Variants in CHST9 observed in about 807,000 individuals in gnomAD.
CHST9 encodes GalNAc-4-sulfotransferase 2.
Under a neutral mutation model 44.4 loss-of-function variants are expected in CHST9, and 41 were observed. The observed-to-expected ratio is 0.92, with a 90% CI of 0.72 to 1.20. The LOEUF (loss-of-function observed/expected upper bound fraction) is 1.20, where lower values mean the gene tolerates loss of function less well. Among genes scored for constraint, CHST9 ranks in the 50% most tolerant of loss-of-function variants. The probability of loss-of-function intolerance (pLI) is 0.00; values close to 1 mark genes in which losing one functional copy is unlikely to be tolerated. For missense variants in CHST9, 504 were observed against 516.5 expected, an observed-to-expected ratio of 0.98 and a Z score of 0.23; for synonymous variants, 171 against 178.4, an observed-to-expected ratio of 0.96 and a Z score of 0.33.
At chr18:27,012,703 T>C (rs958579265) in intron 4 of CHST9, among the ~76,000 whole-genome samples, 2 of 152,148 alleles carry the variant, frequency 1.3e-5, no homozygotes, top group South Asian at 2.1e-4. Context: ...GAACAAGTTT[T>C]CCCAAATCAC....
chr18:27,115,155 C>T (rs1862760840), intron 2 of CHST9, among the ~76,000 whole-genome samples: 1 of 152,154 alleles, frequency 6.6e-6, no homozygotes, highest in Non-Finnish European at 1.5e-5. Context: ...TAATGTGGAA[C>T]TGTGAGTCAA....
At chr18:27,014,142 C>T (rs545657952) in intron 4 of CHST9, among the ~76,000 whole-genome samples, 21 of 152,148 alleles carry the variant, frequency 1.4e-4, no homozygotes, top group Non-Finnish European at 2.6e-4. Flanking sequence ...TGTACCAGTT[C>T]ATCTTGGCAT....
intron 2 of CHST9, among the ~76,000 whole-genome samples, chr18:27,100,019 TGA>T (rs1491231384): frequency 1.6e-5 from 1 of 62,434 alleles, no homozygotes; most frequent in Non-Finnish European, 3.1e-5. Context: ...ATATATATAA[TGA>T]TATATATATA....
In CHST9 at chr18:26,916,907, T is replaced by C. The variant is rs2145045416; in HGVS notation, c.684A>G (p.Lys228=). 1 of 1,613,894 alleles carries C rather than the reference T, an allele frequency of 6.2e-7. No homozygotes were observed. The highest frequency in any genetic ancestry group is 8.5e-7 in the Non-Finnish European group (1 of 1,179,856). Residue 228 remains lysine (K), a synonymous_variant, in exon 6 of 6, where the codon AAA becomes AAG. Coordinates refer to ENST00000618847, the MANE Select transcript of CHST9 (RefSeq NM_031422.6). ...ATCCATTTAGTACCATCAGAATTCT[T>C]TTCCAATTGGAACAGCCAGCCTTAG... The part of the protein sequence containing the change: ...EVPKAGCSNW[K]RILMVLNGLA...
chr18:26,961,550 C>T (rs745393641), intron 4 of CHST9, among the ~76,000 whole-genome samples: 29 of 152,074 alleles, frequency 1.9e-4, no homozygotes, highest in Non-Finnish European at 3.5e-4. Context: ...CCAATTCAGC[C>T]TCCAAGTAGC....
intron 2 of CHST9, among the ~76,000 whole-genome samples, chr18:27,049,212 A>G (rs1159966023): frequency 6.6e-6 from 1 of 152,074 alleles, no homozygotes; most frequent in Non-Finnish European, 1.5e-5. Context: ...GGAGGGAAGT[A>G]GTGGATGCAA....
intron 4 of CHST9, among the ~76,000 whole-genome samples, chr18:26,995,808 T>C (rs1018146424): frequency 2.0e-5 from 3 of 152,230 alleles, no homozygotes; most frequent in Admixed American, 6.5e-5. Flanking sequence ...GCTTTGTCTA[T>C]TATTAAAGCA....
rs544101552 is a variant in CHST9, at chr18:26,964,359, T to C, written c.203-19993A>G. On this transcript the variant is annotated intron_variant, in intron 4 of 5. Transcript: ENST00000618847. ...AACCGCCCACCTGTTTTATTATTTC[T>C]CTCCAGAAACAAATATTTTTCTGGA... is the stretch of plus-strand genomic sequence containing the variant. Among the ~76,000 whole-genome samples the C allele has an allele frequency of 1.1e-4, 17 of 152,346 alleles. No individual in the cohort carries two copies. In the South Asian group the frequency reaches 3.5e-3, roughly 32 times the overall value.
At chr18:26,919,733 T>C (rs912568303) in intron 5 of CHST9, among the ~76,000 whole-genome samples, 2 of 152,136 alleles carry the variant, frequency 1.3e-5, no homozygotes, top group Non-Finnish European at 2.9e-5. Flanking sequence ...CTGTGGCCTC[T>C]GGACTTTCTG....
intron 2 of CHST9, among the ~76,000 whole-genome samples, chr18:27,128,811 G>A (rs1048316048): frequency 1.6e-4 from 24 of 152,176 alleles, no homozygotes; most frequent in African/African-American, 5.8e-4. Context: ...GAAGTATCTA[G>A]AATTGCAATG....
chr18:27,143,793 G>A (rs2058588636), intron 1 of CHST9, among the ~76,000 whole-genome samples: 1 of 151,900 alleles, frequency 6.6e-6, no homozygotes, highest in Non-Finnish European at 1.5e-5. Context: ...GGCCTCTTGG[G>A]GGATGGGGGG....
intron 1 of CHST9, among the ~76,000 whole-genome samples, chr18:27,147,403 T>G (rs981649235): frequency 1.3e-5 from 2 of 152,064 alleles, no homozygotes; most frequent in African/African-American, 4.8e-5. Flanking sequence ...GGTGGGGTTT[T>G]GGGGAATGTC....
At chr18:26,983,508 A>G (rs2056718232) in intron 4 of CHST9, among the ~76,000 whole-genome samples, 1 of 152,104 alleles carries the variant, frequency 6.6e-6, no homozygotes, top group African/African-American at 2.4e-5. Context: ...TTTGCCATGA[A>G]AAACAGCTCA....
At chr18:27,147,637 C>T (rs1478662415) in intron 1 of CHST9, 1 of 152,294 alleles carries the variant, frequency 6.6e-6, no homozygotes, top group Non-Finnish European at 1.5e-5. Flanking sequence ...TCCACACCCA[C>T]ACATCTTTGC....
intron 3 of CHST9, among the ~76,000 whole-genome samples, chr18:27,041,665 G>C (rs2057446278): frequency 2.6e-5 from 4 of 152,044 alleles, no homozygotes; most frequent in Admixed American, 2.6e-4. Context: ...TCCTTCATTA[G>C]CTACTTAGCA....
chr18:27,075,691 A>G (rs2057896282), intron 2 of CHST9, among the ~76,000 whole-genome samples: 1 of 116,194 alleles, frequency 8.6e-6, no homozygotes, highest in Non-Finnish European at 1.8e-5. Context: ...TTCCACACAC[A>G]TACTCCCAGA....
intron 2 of CHST9, among the ~76,000 whole-genome samples, chr18:27,101,082 A>T (rs1457017312): frequency 6.6e-6 from 1 of 152,000 alleles, no homozygotes; most frequent in Non-Finnish European, 1.5e-5. Flanking sequence ...CCACAGATAA[A>T]CTCTTGTTCT....
intron 2 of CHST9, among the ~76,000 whole-genome samples, chr18:27,086,555 A>C (rs2058014262): frequency 6.6e-6 from 1 of 152,220 alleles, no homozygotes; most frequent in Non-Finnish European, 1.5e-5. Flanking sequence ...GAAACTGAAG[A>C]GTGAAATAAT....
intron 1 of CHST9, among the ~76,000 whole-genome samples, chr18:27,153,495 T>C (rs1027992688): frequency 2.6e-5 from 4 of 151,808 alleles, no homozygotes; most frequent in African/African-American, 9.7e-5. Context: ...TCTTGCTTTC[T>C]CTTTGTCTCT....
Sources: gnomAD v4.1 joint callset for allele counts (sites outside exome capture counted in the v4.1 genomes callset) on GRCh38, gnomAD v4.1.1 for gene constraint, MANE v1.5 for transcripts, NCBI Gene and HGNC (gene_info 2026-07-23, HGNC 2026-07-21) for gene names.